The following FRRS1 variants were observed in gnomAD, a reference collection of about 807,000 sequenced individuals.
FRRS1 encodes ferric chelate reductase 1.
FRRS1 carries 51 observed loss-of-function variants against 70.7 expected under a neutral mutation model. That is an observed-to-expected ratio of 0.72 (90% CI 0.58 to 0.91). The LOEUF is 0.91. Among genes scored for constraint, FRRS1 ranks in the 40% least tolerant of loss-of-function variants. The pLI is 0.00. For synonymous variants in FRRS1, 225 were observed against 238.7 expected (o/e 0.94, Z 0.53); for missense variants, 672 against 726.0 (o/e 0.93, Z 0.86).
chr1:99,738,364 C>A, intron 6 of FRRS1, 96 bp from the exon 7 acceptor site: 1 of 788,514 alleles, frequency 1.3e-6, no homozygotes, highest in Non-Finnish European at 2.0e-6. Flanking sequence ...ACGGGTAGCT[C>A]CCAAATTAAT....
Position 99,719,629 on chromosome 1 carries a change from G to C in FRRS1, c.1025C>G (p.Ser342Cys), listed in dbSNP as rs764281758. The C allele has an allele frequency of 4.4e-6, 7 of 1,600,330 alleles. No homozygotes were observed. The highest frequency in any genetic ancestry group is 6.0e-6 in the Non-Finnish European group (7 of 1,168,960). ...TTCATAGGTAATCAAAGGTTGCTGA[G>C]AGTGCTTGTAAATTCGACCTGCAAA... ...AANDGRIYKHSQQPLITYEKY... is the reference protein window; with the variant it reads ...AANDGRIYKHCQQPLITYEKY... The change falls in exon 10 of 17, where the codon TCT becomes TGT. Residue 342 changes from serine (S) to cysteine (C), a missense_variant. By Grantham distance (112) the Ser-to-Cys change is moderately radical (BLOSUM62 -1). Transcript: ENST00000646001.
At chr1:99,730,283 T>C (rs187678532) in intron 7 of FRRS1, among the ~76,000 whole-genome samples, 47 of 152,308 alleles carry the variant, frequency 3.1e-4, no homozygotes, top group Non-Finnish European at 5.1e-4. Flanking sequence ...TATTGCTACA[T>C]AGTGTACATA....
At chr1:99,743,708 T>C (rs6577130) in intron 4 of FRRS1, among the ~76,000 whole-genome samples, 75,228 of 151,996 alleles carry the variant, frequency 0.49, 22,631 homozygotes, top group African/African-American at 0.85. Flanking sequence ...GCCACCACAC[T>C]CAGCTAATTT....
At chr1:99,709,356 C>T in intron 15 of FRRS1, 97 bp from the exon 16 acceptor site, 1 of 802,272 alleles carries the variant, frequency 1.2e-6, no homozygotes, top group Non-Finnish European at 2.1e-6. Context: ...CCCCAATTTC[C>T]AGGGTAGAAA....
At chr1:99,743,577 A>G (rs1001556708) in intron 4 of FRRS1, among the ~76,000 whole-genome samples, 2 of 152,240 alleles carry the variant, frequency 1.3e-5, no homozygotes, top group African/African-American at 4.8e-5. Context: ...AAATTTATCA[A>G]AACATACATA....
Position 99,737,876 on chromosome 1 carries a change from G to A in FRRS1, c.759+210C>T, listed in dbSNP as rs111754347. On this transcript the variant is annotated intron_variant, in intron 7 of 16. Coordinates refer to ENST00000646001, the MANE Select transcript of FRRS1 (RefSeq NM_001361041.2). Reference sequence around the variant, plus strand: ...TCCTGCCTCAGCCTCCCGTGCAGCCGGGATTACAAGCGCCCGCCACGACGC... The same window carrying A: ...TCCTGCCTCAGCCTCCCGTGCAGCCAGGATTACAAGCGCCCGCCACGACGC... 7.1e-3 allele frequency among the ~76,000 whole-genome samples: 1,081 copies of A among 152,090 alleles called. 19 individuals are homozygous for A. Among genetic ancestry groups the A allele is most frequent in the African/African-American group, 0.024 (1,015 of 41,484 alleles).
chr1:99,760,903 G>A (rs953097608), intron 1 of FRRS1, among the ~76,000 whole-genome samples: 11 of 151,992 alleles, frequency 7.2e-5, no homozygotes, highest in South Asian at 2.1e-4. Flanking sequence ...CACCTGCCTC[G>A]GCCTCCCAAA....
chr1:99,707,004 C>T lies in FRRS1; in HGVS notation c.*2024G>A, dbSNP rs1017933167. Among the ~76,000 whole-genome samples the T allele has an allele frequency of 6.6e-6, 1 of 151,902 alleles. No individual in the cohort carries two copies. Among genetic ancestry groups the T allele is most frequent in the Admixed American group, 6.6e-5 (1 of 15,260 alleles). ...AAACTGGAGGAAAATAACTTTAGTA[C>T]ACACTTAATTTGCTATACTAAATTT... is the stretch of plus-strand genomic sequence containing the variant. On this transcript the variant is annotated 3_prime_UTR_variant, in exon 17 of 17. Transcript: ENST00000646001.
chr1:99,718,996 G>A (rs1438728605), intron 10 of FRRS1, among the ~76,000 whole-genome samples: 2 of 151,818 alleles, frequency 1.3e-5, no homozygotes, highest in African/African-American at 4.8e-5. Context: ...TAAAACCACT[G>A]AATTAGCCCT....
At chr1:99,711,846 G>T (rs547795378) in intron 14 of FRRS1, among the ~76,000 whole-genome samples, 1 of 152,248 alleles carries the variant, frequency 6.6e-6, no homozygotes, top group African/African-American at 2.4e-5. Flanking sequence ...TATTCTGCTG[G>T]CAAAGGCAAA....
intron 10 of FRRS1, among the ~76,000 whole-genome samples, chr1:99,718,028 T>C (rs1027031396): frequency 6.6e-6 from 1 of 152,202 alleles, no homozygotes; most frequent in Non-Finnish European, 1.5e-5. Context: ...ATCCAATTAC[T>C]ACCAAACTGG....
chr1:99,742,726 C>G (rs1272838557), intron 4 of FRRS1, among the ~76,000 whole-genome samples: 1 of 152,182 alleles, frequency 6.6e-6, no homozygotes, highest in Non-Finnish European at 1.5e-5. Flanking sequence ...TGGCCAACTC[C>G]TACTCATTCT....
chr1:99,738,584 G>C (rs929529152), intron 6 of FRRS1, among the ~76,000 whole-genome samples: 4 of 152,152 alleles, frequency 2.6e-5, no homozygotes, highest in African/African-American at 9.7e-5. Context: ...GTAAGTTTTG[G>C]AGCAAAGTTT....
In FRRS1 at chr1:99,738,086, C is replaced by T; in HGVS notation, c.759G>A (p.Met253Ile). 1.9e-6 allele frequency: 3 copies of T among 1,607,974 alleles called. No homozygotes were observed. The highest frequency in any genetic ancestry group is 2.6e-6 in the Non-Finnish European group (3 of 1,176,108). Residue 253 changes from methionine to isoleucine, a missense_variant and splice_region_variant, in exon 7 of 17, where the codon ATG becomes ATA. Transcript: ENST00000646001. ...ACTTATGTAAGTGAGAGGTACCAACCATCCACTGATCATGAGACAATGCAA... is the reference window on the plus strand; with the variant it reads ...ACTTATGTAAGTGAGAGGTACCAACTATCCACTGATCATGAGACAATGCAA... Reference protein sequence around the residue: ...LSFALSHDQWMGDDDAYLCIH... With the variant: ...LSFALSHDQWIGDDDAYLCIH...
chr1:99,708,703 G>A lies in FRRS1; in HGVS notation c.*325C>T. On this transcript the variant is annotated 3_prime_UTR_variant, in exon 17 of 17. Coordinates refer to ENST00000646001, the MANE Select transcript of FRRS1 (RefSeq NM_001361041.2). ...TTATTATCCTAGTGACATCTGTTGT[G>A]ATTTTCCAAATCACTATTTATTTTC... 1 of 332,706 alleles carries A rather than the reference G, an allele frequency of 3.0e-6. No individual in the cohort carries two copies. The highest frequency in any genetic ancestry group is 4.7e-5 in the South Asian group (1 of 21,348). 20.6% of individuals were successfully genotyped at this position (332,706 alleles called of 1,614,324 possible). A position where few individuals can be genotyped will look rare whatever the true frequency, so the allele number is the denominator to read the frequency against.
At chr1:99,744,727 G>A (rs1456285266) in intron 4 of FRRS1, among the ~76,000 whole-genome samples, 5 of 151,746 alleles carry the variant, frequency 3.3e-5, no homozygotes, top group Non-Finnish European at 7.4e-5. Flanking sequence ...CGGAGGCTGC[G>A]GTGAGCCAAG....
intron 7 of FRRS1, among the ~76,000 whole-genome samples, chr1:99,731,776 A>C (rs148477432): frequency 5.2e-4 from 79 of 152,360 alleles, no homozygotes; most frequent in Middle Eastern, 3.4e-3. Flanking sequence ...CACGAACTCT[A>C]AAATAGTTAC....
At chr1:99,730,402 C>G (rs1329979819) in intron 7 of FRRS1, among the ~76,000 whole-genome samples, 1 of 152,176 alleles carries the variant, frequency 6.6e-6, no homozygotes, top group Non-Finnish European at 1.5e-5. Context: ...AGATCCTTAA[C>G]TCTGAAAGTT....
Position 99,710,799 on chromosome 1 carries a change from A to G in FRRS1, c.1624+7T>C. 3 of 1,612,610 alleles carry G rather than the reference A, an allele frequency of 1.9e-6. No individual in the cohort carries two copies. Among genetic ancestry groups the G allele is most frequent in the Non-Finnish European group, 2.5e-6 (3 of 1,179,294 alleles). The stretch of plus-strand genomic sequence containing the variant: ...TTCTACATAACATGGCTTTTTTACC[A>G]GGTTACCTTTGCGAGAGAGCCGATA... On this transcript the variant is annotated splice_region_variant and intron_variant, in intron 15 of 16. Coordinates refer to ENST00000646001, the MANE Select transcript of FRRS1 (RefSeq NM_001361041.2).
Sources: gnomAD v4.1 joint callset for allele counts (sites outside exome capture counted in the v4.1 genomes callset) on GRCh38, gnomAD v4.1.1 for gene constraint, MANE v1.5 for transcripts, NCBI Gene and HGNC (gene_info 2026-07-23, HGNC 2026-07-21) for gene names.